Variants in TRPM3 observed in about 807,000 individuals in gnomAD.
TRPM3 encodes long transient receptor potential channel 3.
In TRPM3, 77 loss-of-function variants were observed where a neutral mutation model predicts 181.2. The observed-to-expected ratio is 0.42, with a 90% CI of 0.35 to 0.51. The LOEUF (loss-of-function observed/expected upper bound fraction) is 0.51, where lower values mean the gene tolerates loss of function less well. TRPM3 is among the 20% of genes least tolerant of loss of function. The pLI is 0.01. For missense variants in TRPM3, 1,759 were observed against 2,196.7 expected (o/e 0.80, Z 3.98); for synonymous variants, 745 against 796.4 (o/e 0.94, Z 1.09).
Position 70,654,686 on chromosome 9 carries a change from G to GTTTT in TRPM3, c.1346-14030_1346-14027dup, listed in dbSNP as rs112874508. 3.2e-4 allele frequency among the ~76,000 whole-genome samples: 45 copies of GTTTT among 142,258 alleles called. 1 individual carries two copies. Among genetic ancestry groups the GTTTT allele is most frequent in the Middle Eastern group, 3.5e-3 (1 of 282 alleles). The allele number at this position is 142,258 out of a possible 152,430, so 93.3% of individuals were successfully genotyped here. ...ATGACCCCTTTTTAAGCACTCTGTA[G>GTTTT]TTTTTTTTTTTTTTGAGGTGGAGTC... On this transcript the variant is annotated intron_variant, in intron 9 of 25. Transcript: ENST00000677713.
intron 8 of TRPM3, among the ~76,000 whole-genome samples, chr9:70,742,269 G>A (rs2074288590): frequency 6.6e-6 from 1 of 151,908 alleles, no homozygotes; most frequent in South Asian, 2.1e-4. Flanking sequence ...CCTTTCTCAT[G>A]TGTTTATTTA....
In TRPM3 at chr9:71,026,525, A is replaced by T. The variant is rs78105867; in HGVS notation, c.177+94653T>A. The stretch of plus-strand genomic sequence containing the variant: ...GTTTTCCTGGCAGCCATGTTTGCAG[A>T]GGAACTCTTCCTTCCCTTCCCTGCC... On this transcript the variant is annotated intron_variant, in intron 1 of 25. Coordinates refer to ENST00000677713, the MANE Select transcript of TRPM3 (RefSeq NM_001366145.2). Among the ~76,000 whole-genome samples the T allele has an allele frequency of 5.0e-3, 756 of 152,202 alleles. 19 individuals carry two copies. In the East Asian group the frequency reaches 0.079, roughly 16 times the overall value.
intron 1 of TRPM3, among the ~76,000 whole-genome samples, chr9:71,200,363 G>C (rs1454684530): frequency 1.3e-5 from 2 of 151,434 alleles, no homozygotes; most frequent in South Asian, 2.1e-4. Flanking sequence ...ATTTGGGGTG[G>C]AGAGTTCTGT....
chr9:70,576,597 C>T (rs1400847553), intron 22 of TRPM3, among the ~76,000 whole-genome samples: 1 of 151,720 alleles, frequency 6.6e-6, no homozygotes, highest in African/African-American at 2.4e-5. Context: ...TCACTGCAAC[C>T]TCTGCCTCCT....
At chr9:70,649,583 C>G (rs2059352929) in intron 9 of TRPM3, among the ~76,000 whole-genome samples, 1 of 151,976 alleles carries the variant, frequency 6.6e-6, no homozygotes, top group Non-Finnish European at 1.5e-5. Flanking sequence ...CAAATCAAAA[C>G]CAAAATGAGA....
chr9:70,822,816 G>C (rs1019234248), intron 6 of TRPM3, among the ~76,000 whole-genome samples: 1 of 148,396 alleles, frequency 6.7e-6, no homozygotes, highest in African/African-American at 2.5e-5. Flanking sequence ...TAAGTCCCCT[G>C]GTATTTGGGT....
chr9:71,129,637 A>G (rs1327341045), intron 1 of TRPM3, among the ~76,000 whole-genome samples: 1 of 152,224 alleles, frequency 6.6e-6, no homozygotes, highest in Non-Finnish European at 1.5e-5. Flanking sequence ...ATCTTATTCT[A>G]TAACCCATGC....
rs2091452439 is a variant in TRPM3 at position 71,348,989 on chromosome 9, T to C, written c.183+97664A>G. 2.0e-5 allele frequency among the ~76,000 whole-genome samples: 3 copies of C among 152,234 alleles called. No individual in the cohort carries two copies. In the South Asian group the frequency reaches 6.2e-4, roughly 31 times the overall value. ...TGAAGATCAGTTAAGTTAGCCAACA[T>C]GTGAAATCAAAAGCAAATCAAACAT... On this transcript the variant is annotated intron_variant, in intron 1 of 24. Coordinates refer to the TRPM3 transcript ENST00000357533.
chr9:70,568,743 T>C (rs957487563), intron 22 of TRPM3, among the ~76,000 whole-genome samples: 1 of 152,244 alleles, frequency 6.6e-6, no homozygotes. Flanking sequence ...CCTTGTGCTA[T>C]TTCTCAAGGT....
At chr9:70,836,040 G>A (rs2094297451) in intron 5 of TRPM3, among the ~76,000 whole-genome samples, 1 of 152,094 alleles carries the variant, frequency 6.6e-6, no homozygotes, top group Non-Finnish European at 1.5e-5. Flanking sequence ...ACAGAAATGT[G>A]AATATTATTT....
rs938746093 is a variant in TRPM3, at chr9:71,436,720, C to A, written c.183+9933G>T. Among the ~76,000 whole-genome samples, 34 of 152,130 alleles carry A rather than the reference C, an allele frequency of 2.2e-4. 1 individual carries two copies. The highest frequency in any genetic ancestry group is 8.2e-4 in the African/African-American group (34 of 41,438). On this transcript the variant is annotated intron_variant, in intron 1 of 24. Coordinates refer to the TRPM3 transcript ENST00000357533. ...GCTTCTAGAAGCTGGAAAAGGCAAGCAAATAGATTTTCATCTAGATATTAC... is the reference window on the plus strand; with the variant it reads ...GCTTCTAGAAGCTGGAAAAGGCAAGAAAATAGATTTTCATCTAGATATTAC...
intron 3 of TRPM3, among the ~76,000 whole-genome samples, chr9:70,851,246 T>C (rs533116038): frequency 1.3e-5 from 2 of 152,324 alleles, no homozygotes; most frequent in Non-Finnish European, 2.9e-5. Flanking sequence ...ACCAGGCACA[T>C]ACATGCTGTG....
intron 8 of TRPM3, among the ~76,000 whole-genome samples, chr9:70,694,400 T>C (rs2069561876): frequency 6.6e-6 from 1 of 152,214 alleles, no homozygotes; most frequent in Non-Finnish European, 1.5e-5. Flanking sequence ...GGGCATCTAA[T>C]AGGCCCTGTC....
chr9:71,343,556 C>T (rs918713307), intron 1 of TRPM3, among the ~76,000 whole-genome samples: 11 of 152,056 alleles, frequency 7.2e-5, no homozygotes, highest in African/African-American at 2.7e-4. Flanking sequence ...TGAAAGAAAG[C>T]ACAGAAGAAT....
At chr9:70,777,982 A>AC (rs1564237944) in intron 7 of TRPM3, among the ~76,000 whole-genome samples, 12 of 148,802 alleles carry the variant, frequency 8.1e-5, no homozygotes, top group African/African-American at 2.7e-4. Context: ...ATATAAATTT[A>AC]ACAGACACAG....
chr9:71,202,374 G>A (rs1375382176), intron 1 of TRPM3, among the ~76,000 whole-genome samples: 1 of 152,116 alleles, frequency 6.6e-6, no homozygotes, highest in Non-Finnish European at 1.5e-5. Flanking sequence ...GTCAGACAGG[G>A]ACATCTAAGT....
chr9:70,959,531 A>G lies in TRPM3; in HGVS notation c.178-95020T>C, dbSNP rs1411356143. 2.6e-5 allele frequency among the ~76,000 whole-genome samples: 4 copies of G among 152,048 alleles called. No individual in the cohort carries two copies. The East Asian group carries it at 5.8e-4, about 22-fold the overall frequency. On this transcript the variant is annotated intron_variant, in intron 1 of 25. Coordinates refer to ENST00000677713, the MANE Select transcript of TRPM3 (RefSeq NM_001366145.2). The stretch of plus-strand genomic sequence containing the variant: ...GGCAGTCAAGGAACACAGTCCTTTT[A>G]AAAAGCAATCCTCTGCCAAGTTTTT...
At chr9:71,179,543 A>G (rs7469513) in intron 1 of TRPM3, among the ~76,000 whole-genome samples, 65,750 of 151,980 alleles carry the variant, frequency 0.43, 14,580 homozygotes, top group East Asian at 0.52. Flanking sequence ...GTGAATTTGG[A>G]CAGTTTAGAT....
At chr9:70,842,432 T>C (rs1031085142) in intron 5 of TRPM3, among the ~76,000 whole-genome samples, 3 of 152,154 alleles carry the variant, frequency 2.0e-5, no homozygotes, top group African/African-American at 7.2e-5. Context: ...TAAAATAAGA[T>C]GGTTGCATTG....
Sources: allele counts gnomAD v4.1 joint callset (sites outside exome capture counted in the v4.1 genomes callset), GRCh38; gene constraint gnomAD v4.1.1; transcripts MANE v1.5; gene names NCBI Gene and HGNC (gene_info 2026-07-23, HGNC 2026-07-21).